Variants in MATN2 observed in about 807,000 individuals in gnomAD.
The protein encoded by MATN2 is matrilin-2.
Under a neutral mutation model 103.2 loss-of-function variants are expected in MATN2, and 69 were observed. The observed-to-expected ratio is 0.67, with a 90% confidence interval of 0.55 to 0.82. The LOEUF is 0.82. MATN2 is among the 40% of genes least tolerant of loss of function. The pLI is 0.00. For missense variants in MATN2, 1,023 were observed against 1,211.5 expected (o/e 0.84, Z 2.31); for synonymous variants, 429 against 450.2 (o/e 0.95, Z 0.60).
At chr8:97,974,637 G>A (rs1273054688) in intron 5 of MATN2, among the ~76,000 whole-genome samples, 1 of 151,676 alleles carries the variant, frequency 6.6e-6, no homozygotes, top group African/African-American at 2.4e-5. Context: ...AGTACAGATG[G>A]GGTTTCACCA....
At chr8:97,923,580 G>C (rs779603125) in intron 2 of MATN2, among the ~76,000 whole-genome samples, 1 of 151,238 alleles carries the variant, frequency 6.6e-6, no homozygotes, top group Non-Finnish European at 1.5e-5. Flanking sequence ...TTTTGAGACG[G>C]AGCCTTGCTT....
intron 6 of MATN2, among the ~76,000 whole-genome samples, chr8:97,987,825 G>T (rs1422325697): frequency 1.3e-5 from 2 of 151,938 alleles, no homozygotes; most frequent in Non-Finnish European, 2.9e-5. Context: ...GAATAATAAA[G>T]ATCTGAGCTA....
At chr8:98,034,431 T>C (rs1264769933) in intron 18 of MATN2, 1 of 284,850 alleles carries the variant, frequency 3.5e-6, no homozygotes, top group African/African-American at 2.2e-5. Flanking sequence ...GAACTATCTC[T>C]GTGCCAATGG....
chr8:97,970,165 T>C (rs1431736934), intron 5 of MATN2, among the ~76,000 whole-genome samples: 2 of 152,194 alleles, frequency 1.3e-5, no homozygotes, highest in Non-Finnish European at 2.9e-5. Flanking sequence ...ATACCCACTT[T>C]CAATTGCAGG....
chr8:97,955,745 T>C (rs1044154234), intron 4 of MATN2, among the ~76,000 whole-genome samples: 6 of 152,150 alleles, frequency 3.9e-5, no homozygotes, highest in African/African-American at 1.4e-4. Flanking sequence ...GTAAGAGAGA[T>C]GAGTTAGGAA....
chr8:97,993,527 TACAC>T (rs958746647), intron 6 of MATN2, among the ~76,000 whole-genome samples: 1 of 151,914 alleles, frequency 6.6e-6, no homozygotes, highest in Admixed American at 6.6e-5. Flanking sequence ...AAAATAAAAA[TACAC>T]AAGTAAAATT....
intron 8 of MATN2, chr8:98,004,266 G>C (rs936927987): frequency 6.9e-6 from 1 of 144,190 alleles, no homozygotes; most frequent in African/African-American, 2.7e-5. Context: ...CAACCTGGGC[G>C]ACAAAGCAAA....
chr8:97,965,291 C>T (rs764470161), intron 5 of MATN2, among the ~76,000 whole-genome samples: 7 of 152,198 alleles, frequency 4.6e-5, no homozygotes, highest in African/African-American at 9.6e-5. Context: ...AAAGAGCCAC[C>T]GAAGGGTTTA....
intron 4 of MATN2, among the ~76,000 whole-genome samples, chr8:97,953,224 G>C (rs1563688454): frequency 6.6e-6 from 1 of 152,036 alleles, no homozygotes; most frequent in Non-Finnish European, 1.5e-5. Context: ...GCTTTTATAG[G>C]TACCCAATAA....
At chr8:97,880,516 T>G (rs368473598) in intron 1 of MATN2, among the ~76,000 whole-genome samples, 33 of 152,322 alleles carry the variant, frequency 2.2e-4, no homozygotes, top group African/African-American at 7.7e-4. Context: ...AAAACATGTT[T>G]TTCCTTGGAA....
At chr8:97,949,776 G>C (rs184636721) in intron 4 of MATN2, among the ~76,000 whole-genome samples, 40 of 152,190 alleles carry the variant, frequency 2.6e-4, no homozygotes, top group African/African-American at 9.6e-4. Flanking sequence ...AGATGAATGG[G>C]TGATACACTG....
chr8:98,019,568 C>A (rs971111749), intron 12 of MATN2, among the ~76,000 whole-genome samples: 1 of 152,200 alleles, frequency 6.6e-6, no homozygotes, highest in Non-Finnish European at 1.5e-5. Context: ...TTTGACCAAA[C>A]AACTGGGCAC....
chr8:98,032,144 T>G lies in MATN2; in HGVS notation c.2510-102T>G, dbSNP rs1166035594. On this transcript the variant is annotated intron_variant, in intron 15 of 18. Coordinates refer to ENST00000254898, the MANE Select transcript of MATN2 (RefSeq NM_002380.5). ...CAAACAAAACTAAAAAACCTTAGGT[T>G]ATGGCAGGTAGGTAAGGAGGTGGTC... 2.9e-5 allele frequency: 25 copies of G among 873,588 alleles called. No individual in the cohort carries two copies. In the South Asian group the frequency reaches 3.2e-4, roughly 11 times the overall value. The allele number at this position is 873,588 out of a possible 1,614,324, so 54.1% of individuals were successfully genotyped here. A position where few individuals can be genotyped will look rare whatever the true frequency, so the allele number is the denominator to read the frequency against.
chr8:97,898,496 C>T (rs1466668941), intron 2 of MATN2, among the ~76,000 whole-genome samples: 1 of 151,736 alleles, frequency 6.6e-6, no homozygotes, highest in Admixed American at 6.6e-5. Context: ...ACTCGGGAGG[C>T]CGAGGCAGGA....
At chr8:97,967,552 C>T (rs530395177) in intron 5 of MATN2, among the ~76,000 whole-genome samples, 4 of 152,206 alleles carry the variant, frequency 2.6e-5, no homozygotes, top group African/African-American at 7.2e-5. Flanking sequence ...GGCAATAGGA[C>T]CATACAACTT....
At chr8:97,983,280 G>C (rs1812085815) in intron 6 of MATN2, among the ~76,000 whole-genome samples, 1 of 152,104 alleles carries the variant, frequency 6.6e-6, no homozygotes, top group East Asian at 1.9e-4. Flanking sequence ...TTATCCATCT[G>C]TTGATGGACG....
intron 2 of MATN2, among the ~76,000 whole-genome samples, chr8:97,895,568 C>T (rs1055886334): frequency 6.6e-6 from 1 of 152,240 alleles, no homozygotes; most frequent in African/African-American, 2.4e-5. Context: ...CTCTGCCTTA[C>T]ATTCCAAGGG....
At chr8:97,901,112 G>C (rs112665984) in intron 2 of MATN2, among the ~76,000 whole-genome samples, 3,012 of 152,218 alleles carry the variant, frequency 0.02, 46 homozygotes, top group Non-Finnish European at 0.033. Flanking sequence ...CCATGTGATT[G>C]TCCCACCACT....
Position 97,884,050 on chromosome 8 carries a change from A to G in MATN2, c.-26-4025A>G, listed in dbSNP as rs183237489. 6.5e-3 allele frequency among the ~76,000 whole-genome samples: 988 copies of G among 152,288 alleles called. 9 individuals carry two copies. The highest frequency in any genetic ancestry group is 0.01 in the Non-Finnish European group (693 of 68,026). ...GGGTTTGTATGTCATTATTAGGATA[A>G]TATACATAAGTAAGCATAAAATCTG... is the stretch of plus-strand genomic sequence containing the variant. On this transcript the variant is annotated intron_variant, in intron 1 of 18. Transcript: ENST00000254898.
Sources: allele counts gnomAD v4.1 joint callset (sites outside exome capture counted in the v4.1 genomes callset), GRCh38; gene constraint gnomAD v4.1.1; transcripts MANE v1.5; gene names NCBI Gene and HGNC (gene_info 2026-07-23, HGNC 2026-07-21).